The following PDE7B variants were observed in gnomAD, a reference collection of about 807,000 sequenced individuals.
PDE7B encodes the protein phosphodiesterase 7B.
In PDE7B, 29 loss-of-function variants were observed where a neutral mutation model predicts 56.2. The observed-to-expected ratio is 0.52, with a 90% CI of 0.38 to 0.70. PDE7B has a LOEUF of 0.70. PDE7B is among the 30% of genes least tolerant of loss of function. The pLI, the probability that PDE7B is intolerant of heterozygous loss-of-function variation, is 0.00. For missense variants in PDE7B, 490 were observed against 565.0 expected, an observed-to-expected ratio of 0.87 and a Z score of 1.35; for synonymous variants, 197 against 196.9, an observed-to-expected ratio of 1.00 and a Z score of 0.00.
chr6:136,116,429 C>T (rs1159923193), intron 3 of PDE7B, among the ~76,000 whole-genome samples: 1 of 152,198 alleles, frequency 6.6e-6, no homozygotes, highest in Non-Finnish European at 1.5e-5. Flanking sequence ...AACTAACATC[C>T]ATATGTAGGA....
At chr6:135,924,615 CTCTTTTTTT>C (rs1774148207) in intron 1 of PDE7B, among the ~76,000 whole-genome samples, 1 of 73,970 alleles carries the variant, frequency 1.4e-5, no homozygotes, top group Non-Finnish European at 2.4e-5. Context: ...CTCTCTCTCT[CTCTTTTTTT>C]TTTTTTTTTT....
intron 1 of PDE7B, among the ~76,000 whole-genome samples, chr6:135,870,097 G>A (rs1775346913): frequency 1.3e-5 from 2 of 152,116 alleles, no homozygotes; most frequent in South Asian, 4.2e-4. Flanking sequence ...CCTAGGCTAG[G>A]GACGACATCA....
intron 2 of PDE7B, among the ~76,000 whole-genome samples, chr6:135,987,656 T>C (rs1775406064): frequency 6.6e-6 from 1 of 152,086 alleles, no homozygotes; most frequent in African/African-American, 2.4e-5. Flanking sequence ...AAGGAGCCCC[T>C]GGTTGCAGGA....
intron 2 of PDE7B, among the ~76,000 whole-genome samples, chr6:135,955,999 G>A (rs966525279): frequency 6.6e-6 from 1 of 152,246 alleles, no homozygotes; most frequent in African/African-American, 2.4e-5. Context: ...GCAAGTCAGT[G>A]GCGGTGGCGA....
chr6:136,121,721 T>C (rs757351969), intron 3 of PDE7B, among the ~76,000 whole-genome samples: 5 of 152,196 alleles, frequency 3.3e-5, no homozygotes, highest in Non-Finnish European at 7.3e-5. Flanking sequence ...GTGAAGGACC[T>C]TGTGGAAAGG....
At chr6:136,063,518 T>G (rs980226124) in intron 2 of PDE7B, among the ~76,000 whole-genome samples, 2 of 152,206 alleles carry the variant, frequency 1.3e-5, no homozygotes, top group Non-Finnish European at 2.9e-5. Context: ...CCTACCTGTG[T>G]TCCCTGCTTT....
chr6:135,968,472 A>G (rs1326043310), intron 2 of PDE7B, among the ~76,000 whole-genome samples: 2 of 152,208 alleles, frequency 1.3e-5, no homozygotes, highest in Admixed American at 6.6e-5. Context: ...AAAAATTAAG[A>G]AAGTGGGCAA....
intron 8 of PDE7B, among the ~76,000 whole-genome samples, chr6:136,170,766 G>A (rs1407677418): frequency 6.6e-6 from 1 of 152,174 alleles, no homozygotes; most frequent in African/African-American, 2.4e-5. Context: ...TGGCATCAGA[G>A]AGGGGGCTGA....
At chr6:136,111,348 A>G (rs953593075) in intron 3 of PDE7B, among the ~76,000 whole-genome samples, 1 of 152,224 alleles carries the variant, frequency 6.6e-6, no homozygotes, top group Non-Finnish European at 1.5e-5. Flanking sequence ...TTAAATAACT[A>G]TGAATGTAAA....
intron 2 of PDE7B, among the ~76,000 whole-genome samples, chr6:135,972,469 A>G (rs1775110818): frequency 6.6e-6 from 1 of 152,120 alleles, no homozygotes; most frequent in Non-Finnish European, 1.5e-5. Context: ...GGTAGCATAA[A>G]TCATAAGTCA....
chr6:135,892,764 A>G (rs565372046), intron 1 of PDE7B, among the ~76,000 whole-genome samples: 1 of 152,322 alleles, frequency 6.6e-6, no homozygotes, highest in African/African-American at 2.4e-5. Context: ...ATGTTCAGCT[A>G]GCCATCTTCA....
At position 135,935,202 on chromosome 6, in the gene PDE7B, ATATATATATATATATT is replaced by A. The variant is rs1774399210; in HGVS notation, c.22-12260_22-12245del. The stretch of plus-strand genomic sequence containing the variant: ...TATATATATTTATTTATATATATAT[ATATATATATATATATT>A]TTCATGATTCTTGCTCTCCAGGAAA... On this transcript the variant is annotated intron_variant, in intron 1 of 12. Transcript: ENST00000308191. 3.6e-3 allele frequency among the ~76,000 whole-genome samples: 207 copies of A among 57,068 alleles called. 59 individuals are homozygous for A. The highest frequency in any genetic ancestry group is 0.012 in the African/African-American group (196 of 16,458). 37.4% of individuals were successfully genotyped at this position (57,068 alleles called of 152,430 possible). A position where few individuals can be genotyped will look rare whatever the true frequency, so the allele number is the denominator to read the frequency against.
chr6:135,861,817 A>G (rs961237163), intron 1 of PDE7B, among the ~76,000 whole-genome samples: 1 of 151,778 alleles, frequency 6.6e-6, no homozygotes, highest in Non-Finnish European at 1.5e-5. Flanking sequence ...TCTTCTGGCT[A>G]GCTTTTGGTC....
At chr6:135,870,949 T>A (rs993964883) in intron 1 of PDE7B, among the ~76,000 whole-genome samples, 1 of 150,268 alleles carries the variant, frequency 6.7e-6, no homozygotes, top group Non-Finnish European at 1.5e-5. Context: ...TAGTGCTGCC[T>A]ATATTATTGG....
At chr6:136,110,273 T>C (rs1216083459) in intron 3 of PDE7B, among the ~76,000 whole-genome samples, 4 of 152,158 alleles carry the variant, frequency 2.6e-5, no homozygotes, top group Admixed American at 2.6e-4. Flanking sequence ...GCTCTATTGG[T>C]CTCTCTGACC....
At chr6:135,928,141 A>G (rs565821003) in intron 1 of PDE7B, among the ~76,000 whole-genome samples, 69 of 152,112 alleles carry the variant, frequency 4.5e-4, no homozygotes, top group South Asian at 4.1e-3. Context: ...AAAAAACAAC[A>G]GATGTTGGCA....
At chr6:136,166,827 G>T (rs997605956) in intron 8 of PDE7B, among the ~76,000 whole-genome samples, 54 of 152,066 alleles carry the variant, frequency 3.6e-4, no homozygotes, top group Admixed American at 3.5e-3. Context: ...TACACCAAAA[G>T]TGGCCTTATT....
At chr6:135,880,021 TTAA>T (rs1775577134) in intron 1 of PDE7B, among the ~76,000 whole-genome samples, 1 of 152,154 alleles carries the variant, frequency 6.6e-6, no homozygotes, top group African/African-American at 2.4e-5. Flanking sequence ...GTTTTAAATG[TTAA>T]TGTAGTAGAG....
chr6:136,153,637 T>G (rs1201921452), intron 6 of PDE7B, among the ~76,000 whole-genome samples: 1 of 152,154 alleles, frequency 6.6e-6, no homozygotes, highest in East Asian at 1.9e-4. Flanking sequence ...GTTAAACCAG[T>G]CTTTGGATAT....
Sources: allele counts gnomAD v4.1 joint callset (sites outside exome capture counted in the v4.1 genomes callset), GRCh38; gene constraint gnomAD v4.1.1; transcripts MANE v1.5; gene names NCBI Gene and HGNC (gene_info 2026-07-23, HGNC 2026-07-21).